Variants in PLD5 observed in about 807,000 individuals in gnomAD.
PLD5 encodes phospholipase D family member 5.
A neutral mutation model predicts 61.1 loss-of-function variants in PLD5; 36 were observed. That is an observed-to-expected ratio of 0.59 (90% confidence interval 0.45 to 0.78). The LOEUF is 0.78. PLD5 is among the 30% of genes least tolerant of loss of function. PLD5 has a pLI of 0.00. For synonymous variants in PLD5, 243 were observed against 242.8 expected, an observed-to-expected ratio of 1.00 and a Z score of -0.01; for missense variants, 515 against 644.4, an observed-to-expected ratio of 0.80 and a Z score of 2.17.
chr1:242,409,322 G>T (rs974310705), intron 1 of PLD5, among the ~76,000 whole-genome samples: 2 of 152,140 alleles, frequency 1.3e-5, no homozygotes, highest in Non-Finnish European at 2.9e-5. Flanking sequence ...GCAGGAAATT[G>T]AACTAGATGA....
At chr1:242,496,553 C>T (rs185417881) in intron 1 of PLD5, among the ~76,000 whole-genome samples, 29 of 152,246 alleles carry the variant, frequency 1.9e-4, no homozygotes, top group Admixed American at 4.6e-4. Context: ...TTAGACTTTG[C>T]GAGATTGTTT....
intron 1 of PLD5, among the ~76,000 whole-genome samples, chr1:242,397,623 G>A (rs554095960): frequency 2.5e-4 from 38 of 152,166 alleles, no homozygotes; most frequent in African/African-American, 8.9e-4. Context: ...TAATAGGTAG[G>A]ACCAAGGCTT....
intron 1 of PLD5, among the ~76,000 whole-genome samples, chr1:242,507,768 C>T (rs541319876): frequency 6.6e-6 from 1 of 152,246 alleles, no homozygotes; most frequent in East Asian, 1.9e-4. Context: ...ATAAATAGCC[C>T]AAATAACAGC....
At chr1:242,169,727 G>T (rs1666601297) in intron 5 of PLD5, among the ~76,000 whole-genome samples, 1 of 152,190 alleles carries the variant, frequency 6.6e-6, no homozygotes, top group Non-Finnish European at 1.5e-5. Flanking sequence ...ATCAACCTGG[G>T]ATACTCCAGC....
At chr1:242,505,909 T>C (rs1041401624) in intron 1 of PLD5, among the ~76,000 whole-genome samples, 1 of 152,044 alleles carries the variant, frequency 6.6e-6, no homozygotes, top group Non-Finnish European at 1.5e-5. Context: ...AGTGTAGGAG[T>C]TGAAAATGAA....
intron 1 of PLD5, among the ~76,000 whole-genome samples, chr1:242,420,757 A>G (rs1343575576): frequency 2.0e-5 from 3 of 152,214 alleles, no homozygotes; most frequent in Non-Finnish European, 4.4e-5. Flanking sequence ...AGTGGTATGT[A>G]GCTCAAAGGT....
At chr1:242,313,675 G>T (rs568752030) in intron 2 of PLD5, among the ~76,000 whole-genome samples, 2 of 152,086 alleles carry the variant, frequency 1.3e-5, no homozygotes, top group Admixed American at 1.3e-4. Context: ...CCCACATTTT[G>T]GTCAAATGCT....
intron 1 of PLD5, among the ~76,000 whole-genome samples, chr1:242,371,892 G>A (rs1254328798): frequency 1.3e-5 from 2 of 151,714 alleles, no homozygotes; most frequent in Non-Finnish European, 2.9e-5. Flanking sequence ...TATACTTTAA[G>A]TTCTGGGGTA....
intron 1 of PLD5, among the ~76,000 whole-genome samples, chr1:242,508,817 A>G (rs895522835): frequency 1.1e-4 from 16 of 152,238 alleles, no homozygotes; most frequent in Non-Finnish European, 2.4e-4. Flanking sequence ...ATAGTGGCTT[A>G]CACCTGTAAT....
In PLD5 at chr1:242,218,766, T is replaced by A. The variant is rs528155579; in HGVS notation, c.735+1222A>T. 2.0e-5 allele frequency among the ~76,000 whole-genome samples: 3 copies of A among 152,374 alleles called. No individual in the cohort carries two copies. The East Asian group carries it at 5.8e-4, about 29-fold the overall frequency. On this transcript the variant is annotated intron_variant, in intron 5 of 9. Transcript: ENST00000536534. ...AGAGCTATATGGCTTGGGTTTGAGT[T>A]CCAGCTTTGCCACTTCCTGAAAAGT...
chr1:242,130,987 T>C (rs1312165492), intron 5 of PLD5, among the ~76,000 whole-genome samples: 1 of 152,076 alleles, frequency 6.6e-6, no homozygotes, highest in Non-Finnish European at 1.5e-5. Flanking sequence ...CAAGAAGCTG[T>C]TATCAGGATA....
In PLD5 at chr1:242,180,958, G is replaced by C. The variant is rs377348882; in HGVS notation, c.735+39030C>G. Among the ~76,000 whole-genome samples, 81 of 152,188 alleles carry C rather than the reference G, an allele frequency of 5.3e-4. 2 individuals carry two copies. In the South Asian group the frequency reaches 0.016, roughly 30 times the overall value. ...AGATCATGCCACTGCACTCCAGCCT[G>C]GGTGACAGAGGAAGACTAGGTCTCA... On this transcript the variant is annotated intron_variant, in intron 5 of 9. Transcript: ENST00000536534.
chr1:242,381,942 CA>C (rs1161768162), intron 1 of PLD5, among the ~76,000 whole-genome samples: 1 of 151,988 alleles, frequency 6.6e-6, no homozygotes, highest in Non-Finnish European at 1.5e-5. Context: ...ACCTATTCAC[CA>C]GTTCAGAAAA....
intron 1 of PLD5, among the ~76,000 whole-genome samples, chr1:242,441,949 A>G (rs1409456968): frequency 6.6e-6 from 1 of 152,218 alleles, no homozygotes. Context: ...GCTATTGATA[A>G]TTTATCTCTG....
At chr1:242,159,051 T>C (rs1308449779) in intron 5 of PLD5, among the ~76,000 whole-genome samples, 1 of 152,220 alleles carries the variant, frequency 6.6e-6, no homozygotes, top group Admixed American at 6.5e-5. Context: ...CTAGTTTCAA[T>C]ATCTGTTTCA....
chr1:242,263,897 C>A (rs1673509573), intron 4 of PLD5, among the ~76,000 whole-genome samples: 2 of 152,122 alleles, frequency 1.3e-5, no homozygotes, highest in African/African-American at 4.8e-5. Flanking sequence ...TCCTAATATC[C>A]CCAAGCTTTA....
intron 6 of PLD5, among the ~76,000 whole-genome samples, chr1:242,115,484 G>A (rs989023241): frequency 2.6e-5 from 4 of 151,534 alleles, no homozygotes; most frequent in Admixed American, 6.6e-5. Context: ...ACTTCTTTTC[G>A]GAGGAGCACT....
rs12057946 is a variant in PLD5, at chr1:242,510,705, C to T, written c.189+13383G>A. 6.2e-3 allele frequency among the ~76,000 whole-genome samples: 935 copies of T among 151,922 alleles called. 7 individuals carry two copies. Among genetic ancestry groups the T allele is most frequent in the African/African-American group, 0.021 (868 of 41,428 alleles). On this transcript the variant is annotated intron_variant, in intron 1 of 9. Coordinates refer to ENST00000536534, the MANE Select transcript of PLD5 (RefSeq NM_001372062.1). ...CTAAAAATACAAGAAAATAGCTGGG[C>T]GGGGTGGCAGGCGCCTGTAGTCCCA... is the stretch of plus-strand genomic sequence containing the variant.
intron 1 of PLD5, among the ~76,000 whole-genome samples, chr1:242,458,569 T>C (rs796202781): frequency 3.3e-5 from 5 of 152,372 alleles, no homozygotes; most frequent in African/African-American, 1.2e-4. Context: ...GAGTTTGGGC[T>C]GGAGAAAGTG....
Sources: gnomAD v4.1 joint callset for allele counts (sites outside exome capture counted in the v4.1 genomes callset) on GRCh38, gnomAD v4.1.1 for gene constraint, MANE v1.5 for transcripts, NCBI Gene and HGNC (gene_info 2026-07-23, HGNC 2026-07-21) for gene names.